COL28A1: variants seen among roughly 807,000 people sequenced by gnomAD.
The protein encoded by COL28A1 is collagen type XXVIII alpha 1 chain, also known as collagen alpha-1(XXVIII) chain.
Under a neutral mutation model 150.2 loss-of-function variants are expected in COL28A1, and 161 were observed. The observed-to-expected ratio is 1.07, with a 90% confidence interval of 0.94 to 1.22. The LOEUF (loss-of-function observed/expected upper bound fraction) is 1.22, where lower values mean the gene tolerates loss of function less well. COL28A1 is among the 50% of genes most tolerant of loss of function. The probability of loss-of-function intolerance (pLI) is 0.00; values close to 1 mark genes in which losing one functional copy is unlikely to be tolerated. For missense variants in COL28A1, 1,617 were observed against 1,388.3 expected, an observed-to-expected ratio of 1.16 and a Z score of -2.62; for synonymous variants, 552 against 469.7, an observed-to-expected ratio of 1.18 and a Z score of -2.26.
Position 7,520,064 on chromosome 7 carries a change from G to C in COL28A1, c.811C>G (p.Pro271Ala), listed in dbSNP as rs1260407868. 7 of 1,357,410 alleles carry C rather than the reference G, an allele frequency of 5.2e-6. No homozygotes were observed. In the East Asian group the frequency reaches 1.4e-4, roughly 27 times the overall value. The allele number at this position is 1,357,410 out of a possible 1,614,324, so 84.1% of individuals were successfully genotyped here. The change falls in exon 6 of 35, where the codon CCG becomes GCG. Residue 271 changes from proline (P) to alanine (A), a missense_variant and splice_region_variant. Coordinates refer to ENST00000399429, the MANE Select transcript of COL28A1 (RefSeq NM_001037763.3). ...AGAAAAGCTGTTTATTCATTTACCGGGTTTCCTTTTGGTCCTCGCTCACCT... is the reference window on the plus strand; with the variant it reads ...AGAAAAGCTGTTTATTCATTTACCGCGTTTCCTTTTGGTCCTCGCTCACCT... The part of the protein sequence containing the change: ...IKGERGPKGN[P>A]GNAQKGEAGE...
chr7:7,417,568 A>AGG, intron 27 of COL28A1: 1 of 251,154 alleles, frequency 4.0e-6, no homozygotes, highest in Non-Finnish European at 7.3e-6. Flanking sequence ...AGAGAGAGAG[A>AGG]GCAACTGAGT....
intron 9 of COL28A1, among the ~76,000 whole-genome samples, chr7:7,510,396 T>C (rs960204965): frequency 2.6e-5 from 4 of 152,162 alleles, no homozygotes; most frequent in African/African-American, 4.8e-5. Flanking sequence ...GCAATTTTCC[T>C]GTCTCAGCCT....
intron 33 of COL28A1, among the ~76,000 whole-genome samples, chr7:7,364,723 A>G (rs1281553359): frequency 6.6e-6 from 1 of 152,162 alleles, no homozygotes; most frequent in Non-Finnish European, 1.5e-5. Flanking sequence ...GTAGAGGAAA[A>G]AAAAATTTCC....
At position 7,375,497 on chromosome 7, in the gene COL28A1, T is replaced by C. The variant is rs562676597; in HGVS notation, c.2323A>G (p.Lys775Glu). 3 of 1,550,142 alleles carry C rather than the reference T, an allele frequency of 1.9e-6. No homozygotes were observed. The South Asian group carries it at 3.5e-5, about 18-fold the overall frequency. ...QGPKGDLGLT[K>E]EEIIKLITEI... ...GTAATAAGTTTGATAATTTCTTCTT[T>C]CTAGGGGATAAAAAGAAAAATGTAT... Residue 775 changes from lysine to glutamate, a missense_variant and splice_region_variant, in exon 31 of 35, where the codon AAA becomes GAA. By Grantham distance (56) the Lys-to-Glu change is moderately conservative. Transcript: ENST00000399429.
intron 18 of COL28A1, among the ~76,000 whole-genome samples, chr7:7,446,337 A>C (rs1189581383): frequency 6.6e-6 from 1 of 152,180 alleles, no homozygotes; most frequent in Non-Finnish European, 1.5e-5. Context: ...ATTTTTTCAA[A>C]TGTATTGGAA....
At chr7:7,526,287 A>G (rs576090049) in intron 3 of COL28A1, among the ~76,000 whole-genome samples, 1 of 152,244 alleles carries the variant, frequency 6.6e-6, no homozygotes, top group Non-Finnish European at 1.5e-5. Flanking sequence ...AATAATTGCC[A>G]ATAGTGGAAT....
At chr7:7,499,439 A>C (rs1468857768) in intron 11 of COL28A1, among the ~76,000 whole-genome samples, 1 of 152,220 alleles carries the variant, frequency 6.6e-6, no homozygotes, top group African/African-American at 2.4e-5. Flanking sequence ...GTTTATATGA[A>C]GCCAAAAATA....
At chr7:7,447,151 C>A (rs372245285) in intron 18 of COL28A1, among the ~76,000 whole-genome samples, 1 of 152,172 alleles carries the variant, frequency 6.6e-6, no homozygotes, top group African/African-American at 2.4e-5. Flanking sequence ...GTAGTCTTAC[C>A]TAATAAAACT....
In COL28A1 at chr7:7,358,793, A is replaced by G. The variant is rs1419075195; in HGVS notation, c.3218T>C (p.Leu1073Ser). Residue 1073 changes from leucine to serine, a missense_variant, in exon 35 of 35, where the codon TTG (leucine) becomes TCG (serine). Transcript: ENST00000399429. The part of the protein sequence containing the change: ...PVDGAEDPRC[L>S]EALKPGNCGE... ...ACAGTTTCCAGGCTTCAAGGCTTCC[A>G]AACATCTAGGATCTAGAGTGAGAAA... 3 of 1,613,786 alleles carry G rather than the reference A, an allele frequency of 1.9e-6. No individual in the cohort carries two copies. Among genetic ancestry groups the G allele is most frequent in the Non-Finnish European group, 2.5e-6 (3 of 1,179,802 alleles).
chr7:7,448,767 G>T (rs1786463192), intron 18 of COL28A1, among the ~76,000 whole-genome samples: 1 of 151,854 alleles, frequency 6.6e-6, no homozygotes. Context: ...ATACTATTCA[G>T]CAATACAAAG....
intron 10 of COL28A1, among the ~76,000 whole-genome samples, chr7:7,506,788 A>G (rs1379346364): frequency 6.6e-6 from 1 of 152,224 alleles, no homozygotes; most frequent in Non-Finnish European, 1.5e-5. Flanking sequence ...CAGTGCAAAA[A>G]TAGTTACATC....
At chr7:7,539,168 C>G (rs1188130805), upstream of COL28A1, among the ~76,000 whole-genome samples, 1 of 152,100 alleles carries the variant, frequency 6.6e-6, no homozygotes, top group African/African-American at 2.4e-5. Flanking sequence ...AAAGGAATAC[C>G]TAAGGCTGAG....
chr7:7,463,692 C>T (rs146950976), intron 15 of COL28A1, among the ~76,000 whole-genome samples: 2 of 152,106 alleles, frequency 1.3e-5, no homozygotes, highest in African/African-American at 4.8e-5. Context: ...TGAAAGAAAT[C>T]CTGGAAACAC....
At chr7:7,438,608 A>T (rs1438469229) in intron 21 of COL28A1, among the ~76,000 whole-genome samples, 1 of 152,274 alleles carries the variant, frequency 6.6e-6, no homozygotes, top group African/African-American at 2.4e-5. Context: ...CCACTGGGAT[A>T]TAAAGAAAAT....
chr7:7,532,701 A>G lies in COL28A1; in HGVS notation c.124+51T>C, dbSNP rs7797285. 528 of 1,572,446 alleles carry G rather than the reference A, an allele frequency of 3.4e-4. 2 individuals are homozygous for G. In the African/African-American group the frequency reaches 6.3e-3, roughly 19 times the overall value. On this transcript the variant is annotated intron_variant, in intron 2 of 34. Coordinates refer to ENST00000399429, the MANE Select transcript of COL28A1 (RefSeq NM_001037763.3). ...AAATGCTATTTAGAAAAATTCACAT[A>G]AGTATTTTTAACAGGCTAAACTTAA...
chr7:7,474,389 A>G (rs1333167972), intron 15 of COL28A1, among the ~76,000 whole-genome samples: 1 of 152,068 alleles, frequency 6.6e-6, no homozygotes, highest in Admixed American at 6.6e-5. Context: ...AATCACCACT[A>G]AAGAACTTAC....
chr7:7,409,196 T>G (rs1332005522), intron 27 of COL28A1, among the ~76,000 whole-genome samples: 4 of 152,178 alleles, frequency 2.6e-5, no homozygotes, highest in Non-Finnish European at 5.9e-5. Flanking sequence ...AGTAACTTAC[T>G]TCTGACCAAC....
chr7:7,452,999 A>G (rs1786833240), intron 17 of COL28A1, among the ~76,000 whole-genome samples: 1 of 152,254 alleles, frequency 6.6e-6, no homozygotes, highest in Non-Finnish European at 1.5e-5. Flanking sequence ...GTTCCAATCT[A>G]TGAGATAGTT....
chr7:7,440,779 A>C lies in COL28A1; in HGVS notation c.1722+11T>G, dbSNP rs2128319999. 3.2e-6 allele frequency: 4 copies of C among 1,266,878 alleles called. No homozygotes were observed. The highest frequency in any genetic ancestry group is 4.6e-6 in the Non-Finnish European group (4 of 871,974). The allele number at this position is 1,266,878 out of a possible 1,614,324, so 78.5% of individuals were successfully genotyped here. On this transcript the variant is annotated intron_variant, in intron 21 of 34. Transcript: ENST00000399429. ...CTCCTCAAAGCGTAAGTCAGAATACAAGAAACATACCTTTGGTCCTTCGGG... is the reference window on the plus strand; with the variant it reads ...CTCCTCAAAGCGTAAGTCAGAATACCAGAAACATACCTTTGGTCCTTCGGG...
Sources: gnomAD v4.1 joint callset for allele counts (sites outside exome capture counted in the v4.1 genomes callset) on GRCh38, gnomAD v4.1.1 for gene constraint, MANE v1.5 for transcripts, NCBI Gene and HGNC (gene_info 2026-07-23, HGNC 2026-07-21) for gene names.